MERTK: variants seen among roughly 807,000 people sequenced by gnomAD.
MERTK encodes MER proto-oncogene, tyrosine kinase, also known as tyrosine-protein kinase Mer.
In MERTK, 69 loss-of-function variants were observed where a neutral mutation model predicts 99.3. The observed-to-expected ratio is 0.70, with a 90% CI of 0.57 to 0.85. The LOEUF (loss-of-function observed/expected upper bound fraction) is 0.85, where lower values mean the gene tolerates loss of function less well. Among genes scored for constraint, MERTK ranks in the 40% least tolerant of loss-of-function variants. The pLI, the probability that MERTK is intolerant of heterozygous loss-of-function variation, is 0.00. For missense variants in MERTK, 1,125 were observed against 1,249.4 expected, an observed-to-expected ratio of 0.90 and a Z score of 1.50; for synonymous variants, 426 against 467.6, an observed-to-expected ratio of 0.91 and a Z score of 1.15.
chr2:112,022,540 C>A, intron 18 of MERTK, 146 bp downstream of exon 18: 3 of 1,221,680 alleles, frequency 2.5e-6, no homozygotes, highest in Non-Finnish European at 3.6e-6. Flanking sequence ...CCCACAGACA[C>A]CCCAGCCCAG....
At chr2:111,941,708 T>C (rs1684869465) in intron 2 of MERTK, among the ~76,000 whole-genome samples, 1 of 151,878 alleles carries the variant, frequency 6.6e-6, no homozygotes, top group Admixed American at 6.5e-5. Flanking sequence ...ACAAGTATAA[T>C]GATTTATGGA....
At chr2:111,939,932 T>C (rs1160644938) in intron 2 of MERTK, among the ~76,000 whole-genome samples, 3 of 152,024 alleles carry the variant, frequency 2.0e-5, no homozygotes, top group Admixed American at 6.5e-5. Context: ...AGTACTGATA[T>C]TCATTTATTT....
Position 112,028,542 on chromosome 2 carries a change from T to C in MERTK, c.2678T>C (p.Leu893Pro), listed in dbSNP as rs147051895. The change falls in exon 19 of 19, where the codon CTG (leucine) becomes CCG (proline). Residue 893 changes from leucine (L) to proline (P), a missense_variant. By Grantham distance (98) the Leu-to-Pro change is moderately conservative. Coordinates refer to ENST00000295408, the MANE Select transcript of MERTK (RefSeq NM_006343.3). ...GCCCAGGGCTCCACCCTTGCTCCAC[T>C]GGACTTGAACATCGACCCTGACTCT... ...GLAQGSTLAP[L>P]DLNIDPDSII... 34 of 1,614,096 alleles carry C rather than the reference T, an allele frequency of 2.1e-5. No homozygotes were observed. The highest frequency in any genetic ancestry group is 5.1e-6 in the Non-Finnish European group (6 of 1,180,054).
chr2:111,963,976 A>G lies in MERTK; in HGVS notation c.758-1215A>G, dbSNP rs927004032. On this transcript the variant is annotated intron_variant, in intron 4 of 18. Coordinates refer to ENST00000295408, the MANE Select transcript of MERTK (RefSeq NM_006343.3). ...CTGTTTCCAAGGGTACATTCTGTCA[A>G]CATGATATAGCACTTGATCATCTGG... is the stretch of plus-strand genomic sequence containing the variant. 2.0e-5 allele frequency among the ~76,000 whole-genome samples: 3 copies of G among 148,796 alleles called. No individual in the cohort carries two copies. The East Asian group carries it at 5.9e-4, about 29-fold the overall frequency.
chr2:111,969,884 G>A (rs979555302), intron 6 of MERTK, among the ~76,000 whole-genome samples: 8 of 151,810 alleles, frequency 5.3e-5, no homozygotes, highest in African/African-American at 1.9e-4. Context: ...GTAGAGACGG[G>A]GTTTCACCGT....
In MERTK at chr2:111,975,434, C is replaced by T. The variant is rs756814656; in HGVS notation, c.1106C>T (p.Ala369Val). Reference sequence around the variant, plus strand: ...TGCATGAATGAAATAGGCTGGTCTGCAGTGAGCCCTTGGATTCTAGCCAGC... The same window carrying T: ...TGCATGAATGAAATAGGCTGGTCTGTAGTGAGCCCTTGGATTCTAGCCAGC... ...VSCMNEIGWS[A>V]VSPWILASTT... Residue 369 changes from alanine (A) to valine (V), a missense_variant, in exon 7 of 19, where the codon GCA (alanine) becomes GTA (valine). By Grantham distance (64) the Ala-to-Val change is moderately conservative. Coordinates refer to ENST00000295408, the MANE Select transcript of MERTK (RefSeq NM_006343.3). The T allele has an allele frequency of 1.2e-6, 2 of 1,614,180 alleles. No homozygotes were observed. The highest frequency in any genetic ancestry group is 1.7e-6 in the Non-Finnish European group (2 of 1,180,032).
chr2:111,926,123 G>A (rs1684563729), intron 1 of MERTK, among the ~76,000 whole-genome samples: 1 of 152,014 alleles, frequency 6.6e-6, no homozygotes, highest in African/African-American at 2.4e-5. Context: ...GAGCCACTGC[G>A]CCCAGCCCCA....
At chr2:111,917,601 A>G (rs1684376190) in intron 1 of MERTK, among the ~76,000 whole-genome samples, 1 of 152,140 alleles carries the variant, frequency 6.6e-6, no homozygotes, top group East Asian at 1.9e-4. Flanking sequence ...ATGCTAAAAG[A>G]CGAGGCCAGG....
Position 111,982,826 on chromosome 2 carries a change from C to CT in MERTK, c.1145-10dup, listed in dbSNP as rs1369045182. 1 of 1,613,286 alleles carries CT rather than the reference C, an allele frequency of 6.2e-7. No individual in the cohort carries two copies. The highest frequency in any genetic ancestry group is 2.2e-5 in the East Asian group (1 of 44,860). On this transcript the variant is annotated splice_polypyrimidine_tract_variant and intron_variant, in intron 7 of 18. Transcript: ENST00000295408. ...CTTTGTGGTTCTTCATTCTTCTCTCCTTTTTTCTTTTGTAGCCCCATCAGT... is the reference window on the plus strand; with the variant it reads ...CTTTGTGGTTCTTCATTCTTCTCTCCTTTTTTTCTTTTGTAGCCCCATCAGT...
intron 2 of MERTK, among the ~76,000 whole-genome samples, chr2:111,933,651 A>G (rs998111808): frequency 6.6e-6 from 1 of 152,184 alleles, no homozygotes; most frequent in Non-Finnish European, 1.5e-5. Context: ...TGAGGACCCC[A>G]TACTTTGTAT....
intron 15 of MERTK, among the ~76,000 whole-genome samples, chr2:112,010,806 G>A (rs1677083780): frequency 6.6e-6 from 1 of 152,142 alleles, no homozygotes; most frequent in Admixed American, 6.5e-5. Flanking sequence ...GCGAGCAGGC[G>A]GTGTGTGTCC....
chr2:111,975,709 T>C (rs1002002100), intron 7 of MERTK, among the ~76,000 whole-genome samples: 1 of 152,214 alleles, frequency 6.6e-6, no homozygotes, highest in African/African-American at 2.4e-5. Flanking sequence ...ACATAGGAGA[T>C]AATAGCAGCA....
chr2:111,928,216 CTTTTTTTTTT>C (rs34872417), intron 1 of MERTK, among the ~76,000 whole-genome samples: 1 of 84,848 alleles, frequency 1.2e-5, no homozygotes. Flanking sequence ...CCATGAGCAG[CTTTTTTTTTT>C]TTTTTTTTTT....
In MERTK at chr2:112,028,688, A is replaced by T. The variant is rs756657513; in HGVS notation, c.2824A>T (p.Thr942Ser). Residue 942 changes from threonine to serine, a missense_variant, in exon 19 of 19, where the codon ACT (threonine) becomes TCT (serine). By Grantham distance (58) the Thr-to-Ser change is moderately conservative. Transcript: ENST00000295408. Reference protein sequence around the residue: ...NGGSEEWEDLTSAPSAAVTAE... With the variant: ...NGGSEEWEDLSSAPSAAVTAE... The stretch of plus-strand genomic sequence containing the variant: ...GGGCAGTGAGGAATGGGAAGATCTG[A>T]CTTCTGCCCCCTCTGCTGCAGTCAC... The T allele has an allele frequency of 6.2e-6, 10 of 1,614,084 alleles. No homozygotes were observed. In the South Asian group the frequency reaches 1.1e-4, roughly 18 times the overall value.
Position 112,022,282 on chromosome 2 carries a change from GA to G in MERTK, c.2377del (p.Ile793Ter), listed in dbSNP as rs1400057476. 1 of 1,614,218 alleles carries G rather than the reference GA, an allele frequency of 6.2e-7. No individual in the cohort carries two copies. Among genetic ancestry groups the G allele is most frequent in the Non-Finnish European group, 8.5e-7 (1 of 1,180,050 alleles). ...GTGGGCATTTGGCGTGACCATGTGG[GA>G]AATAGCTACGCGGGGAATGACTCCC... is the stretch of plus-strand genomic sequence containing the variant. ...DVWAFGVTMW[E>X]IATRGMTPYP... On this transcript the variant is annotated frameshift_variant, in exon 18 of 19. Coordinates refer to ENST00000295408, the MANE Select transcript of MERTK (RefSeq NM_006343.3). LOFTEE classifies it high-confidence loss of function.
intron 18 of MERTK, among the ~76,000 whole-genome samples, chr2:112,022,810 C>T (rs1296358066): frequency 6.6e-6 from 1 of 152,210 alleles, no homozygotes; most frequent in Non-Finnish European, 1.5e-5. Context: ...TTCAAACACT[C>T]CACTCACAGT....
chr2:111,925,303 T>TTA (rs1684540974), intron 1 of MERTK, among the ~76,000 whole-genome samples: 1 of 103,352 alleles, frequency 9.7e-6, no homozygotes, highest in Non-Finnish European at 2.0e-5. Flanking sequence ...TTTTTTTTTT[T>TTA]TTTTTTTTTT....
At chr2:111,923,805 TGGGGGAAAAACA>T in intron 1 of MERTK, among the ~76,000 whole-genome samples, 1 of 152,118 alleles carries the variant, frequency 6.6e-6, no homozygotes, top group Admixed American at 6.5e-5. Flanking sequence ...TCCACTTCTG[TGGGGGAAAAACA>T]GGGGGAAAAG....
At chr2:111,957,831 G>A (rs957317387) in intron 4 of MERTK, among the ~76,000 whole-genome samples, 2 of 151,792 alleles carry the variant, frequency 1.3e-5, no homozygotes, top group African/African-American at 4.8e-5. Flanking sequence ...TGGACACTAG[G>A]GAAAAAAGAA....
Sources: gnomAD v4.1 joint callset for allele counts (sites outside exome capture counted in the v4.1 genomes callset) on GRCh38, gnomAD v4.1.1 for gene constraint, MANE v1.5 for transcripts, NCBI Gene and HGNC (gene_info 2026-07-23, HGNC 2026-07-21) for gene names.